Variants in EFR3B observed in about 807,000 individuals in gnomAD.
EFR3B encodes the protein EFR3 homolog B, also known as protein EFR3 homolog B.
A neutral mutation model predicts 104.7 loss-of-function variants in EFR3B; 64 were observed. That is an observed-to-expected ratio of 0.61 (90% CI 0.50 to 0.75). The LOEUF is 0.75. Among genes scored for constraint, EFR3B ranks in the 30% least tolerant of loss-of-function variants. The pLI is 0.00. For missense variants in EFR3B, 750 were observed against 1,078.5 expected (o/e 0.70, Z 4.27); for synonymous variants, 385 against 417.9 (o/e 0.92, Z 0.96).
intron 12 of EFR3B, 65 bp from the exon 13 acceptor site, chr2:25,135,402 C>T: frequency 6.5e-7 from 1 of 1,531,368 alleles, no homozygotes; most frequent in Non-Finnish European, 8.8e-7. Flanking sequence ...GGCTGCTCCT[C>T]CATCTCCTCC....
chr2:25,112,901 G>A (rs1276572963), intron 4 of EFR3B, among the ~76,000 whole-genome samples: 2 of 152,184 alleles, frequency 1.3e-5, no homozygotes, highest in East Asian at 1.9e-4. Context: ...CTATAGAAGA[G>A]GGAATGGCTA....
intron 21 of EFR3B, 101 bp downstream of exon 21, chr2:25,152,121 C>T (rs1200817034): frequency 8.6e-7 from 1 of 1,157,940 alleles, no homozygotes; most frequent in South Asian, 1.5e-5. Flanking sequence ...GCTCTTTGAC[C>T]ACCAACCTCC....
chr2:25,127,010 G>A (rs1670185397), intron 5 of EFR3B, among the ~76,000 whole-genome samples: 2 of 151,700 alleles, frequency 1.3e-5, no homozygotes, highest in South Asian at 2.1e-4. Context: ...TGACCAACAC[G>A]GTGAAACCCT....
Position 25,139,090 on chromosome 2 carries a change from C to T in EFR3B, c.1754C>T (p.Pro585Leu), listed in dbSNP as rs1222632046. ...DVAQVNEENL[P>L]VYNRCALYAL... ...GCCCAAGTCAATGAGGAGAACTTGC[C>T]TGTCTACAACCGCTGTGCCCTCTAT... The change falls in exon 16 of 23, where the codon CCT (proline) becomes CTT (leucine). Residue 585 changes from proline (P) to leucine (L), a missense_variant. Coordinates refer to ENST00000403714, the MANE Select transcript of EFR3B (RefSeq NM_014971.2). 1 of 1,551,630 alleles carries T rather than the reference C, an allele frequency of 6.4e-7. No individual in the cohort carries two copies. The highest frequency in any genetic ancestry group is 8.7e-7 in the Non-Finnish European group (1 of 1,147,020).
intron 19 of EFR3B, chr2:25,145,928 T>C (rs1376506280): frequency 1.3e-5 from 2 of 151,974 alleles, no homozygotes; most frequent in Middle Eastern, 3.2e-3. Context: ...TCGTTTACAC[T>C]GGGGTTCGCC....
intron 1 of EFR3B, among the ~76,000 whole-genome samples, chr2:25,065,862 G>A (rs1668320791): frequency 1.3e-5 from 2 of 152,002 alleles, no homozygotes; most frequent in Admixed American, 6.5e-5. Context: ...GGTGCTGGGA[G>A]GCTCTTCCTG....
rs887321608 is a variant in EFR3B at position 25,103,787 on chromosome 2, G to T, written c.363G>T (p.Ser121=). 2 of 1,551,210 alleles carry T rather than the reference G, an allele frequency of 1.3e-6. No individual in the cohort carries two copies. The highest frequency in any genetic ancestry group is 2.0e-5 in the Admixed American group (1 of 50,960). Residue 121 remains serine, a splice_region_variant and synonymous_variant, in exon 4 of 23, where the codon TCG becomes TCT. Transcript: ENST00000403714. ...ACCTGCAGATCCTCGGCACCAACTC[G>T]GTAAGGAGCGGCCCAGGGGGCTCCA... is the stretch of plus-strand genomic sequence containing the variant. ...KPNLQILGTN[S]FVKFANIEED... is the part of the protein sequence containing the mutation.
intron 15 of EFR3B, among the ~76,000 whole-genome samples, chr2:25,138,711 C>T (rs750284594): frequency 5.1e-4 from 78 of 152,160 alleles, no homozygotes; most frequent in Admixed American, 4.5e-3. Context: ...TCTAAGAATC[C>T]GCTATAGTGA....
chr2:25,052,689 G>A (rs1388864168), intron 1 of EFR3B, among the ~76,000 whole-genome samples: 5 of 151,908 alleles, frequency 3.3e-5, no homozygotes, highest in South Asian at 2.1e-4. Context: ...ATTTTTAGTC[G>A]AGACGGGGTT....
intron 5 of EFR3B, among the ~76,000 whole-genome samples, chr2:25,123,814 GCA>G (rs1408913941): frequency 6.6e-6 from 1 of 152,254 alleles, no homozygotes; most frequent in Non-Finnish European, 1.5e-5. Flanking sequence ...ACGCACACAT[GCA>G]CACAGACACA....
At chr2:25,117,128 G>T (rs749697292) in intron 4 of EFR3B, among the ~76,000 whole-genome samples, 9 of 152,184 alleles carry the variant, frequency 5.9e-5, no homozygotes, top group Non-Finnish European at 1.0e-4. Flanking sequence ...CCAGGATCAG[G>T]AATGGGTTCC....
At chr2:25,120,266 G>T (rs905491024) in intron 4 of EFR3B, among the ~76,000 whole-genome samples, 3 of 151,760 alleles carry the variant, frequency 2.0e-5, no homozygotes, top group Admixed American at 2.0e-4. Context: ...CGGGAGAATC[G>T]CTTGAACCCG....
At chr2:25,121,530 G>C (rs1336047614) in intron 4 of EFR3B, 143 bp from the exon 5 acceptor site, 2 of 930,604 alleles carry the variant, frequency 2.1e-6, no homozygotes, top group Non-Finnish European at 1.6e-6. Context: ...CATCTCCCCA[G>C]TGTGCTCTGC....
chr2:25,113,871 T>C (rs1669791047), intron 4 of EFR3B, among the ~76,000 whole-genome samples: 1 of 152,090 alleles, frequency 6.6e-6, no homozygotes, highest in Admixed American at 6.6e-5. Context: ...GTGCTTGGGT[T>C]ACCCCTATTT....
intron 4 of EFR3B, among the ~76,000 whole-genome samples, chr2:25,119,416 C>T (rs1413483987): frequency 6.6e-6 from 1 of 152,200 alleles, no homozygotes; most frequent in Non-Finnish European, 1.5e-5. Flanking sequence ...GGCAGTGATG[C>T]ACCCAAACTT....
chr2:25,051,760 C>T (rs746119566), intron 1 of EFR3B, among the ~76,000 whole-genome samples: 3 of 151,080 alleles, frequency 2.0e-5, no homozygotes, highest in Non-Finnish European at 1.5e-5. Flanking sequence ...CTCAGCCTCC[C>T]GAGTAGCTGG....
chr2:25,154,258 C>T lies in EFR3B; in HGVS notation c.2372C>T (p.Thr791Ile), dbSNP rs1203209772. The T allele has an allele frequency of 1.3e-6, 2 of 1,551,918 alleles. No homozygotes were observed. The highest frequency in any genetic ancestry group is 3.9e-5 in the Admixed American group (2 of 51,008). The change falls in exon 23 of 23, where the codon ACC becomes ATC. Residue 791 changes from threonine to isoleucine, a missense_variant. By Grantham distance (89) the Thr-to-Ile change is moderately conservative. Coordinates refer to ENST00000403714, the MANE Select transcript of EFR3B (RefSeq NM_014971.2). The surrounding 1 kb of genome is among the most constrained non-coding windows in gnomAD (Gnocchi z 4.1). Reference sequence around the variant, plus strand: ...AGGCCCCCACCAAGCCCATCAGGAACCATCACTGCAGCCTACGGTCAGCCG... The same window carrying T: ...AGGCCCCCACCAAGCCCATCAGGAATCATCACTGCAGCCTACGGTCAGCCG... ...TIRPPPSPSG[T>I]ITAAYGQPQN...
chr2:25,110,053 C>T (rs750752549), intron 4 of EFR3B, among the ~76,000 whole-genome samples: 1 of 152,084 alleles, frequency 6.6e-6, no homozygotes, highest in Non-Finnish European at 1.5e-5. Context: ...GGAGACGTCC[C>T]TCCTTGTGAC....
intron 17 of EFR3B, among the ~76,000 whole-genome samples, chr2:25,142,447 TAA>T (rs775996269): frequency 1.4e-4 from 16 of 117,050 alleles, no homozygotes; most frequent in Admixed American, 1.8e-4. Context: ...AGACTCTGTC[TAA>T]AAAAAAAAAA....
Sources: allele counts gnomAD v4.1 joint callset (sites outside exome capture counted in the v4.1 genomes callset), GRCh38; gene constraint gnomAD v4.1.1; non-coding constraint Gnocchi (gnomAD v3.1); transcripts MANE v1.5; gene names NCBI Gene and HGNC (gene_info 2026-07-23, HGNC 2026-07-21).